The following CTU2 variants were observed in gnomAD, a reference collection of about 807,000 sequenced individuals.
CTU2 encodes the protein cytosolic thiouridylase subunit 2, also known as cytoplasmic tRNA 2-thiolation protein 2.
Under a neutral mutation model 64.1 loss-of-function variants are expected in CTU2, and 80 were observed. The ratio of observed to expected loss-of-function variants is 1.25; its 90% CI spans 1.04 to 1.50. The LOEUF (loss-of-function observed/expected upper bound fraction) is 1.50. Ranked by LOEUF, CTU2 falls within the 40% of genes most tolerant of loss-of-function variation. The pLI is 0.00. For synonymous variants in CTU2, 482 were observed against 285.3 expected, an observed-to-expected ratio of 1.69 and a Z score of -6.95; for missense variants, 1,110 against 690.2, an observed-to-expected ratio of 1.61 and a Z score of -6.81.
Position 88,714,213 on chromosome 16 carries a change from C to G in CTU2, c.1083C>G (p.Val361=), listed in dbSNP as rs987580847. The G allele has an allele frequency of 6.9e-6, 11 of 1,597,636 alleles. No homozygotes were observed. Among genetic ancestry groups the G allele is most frequent in the East Asian group, 2.3e-5 (1 of 44,114 alleles). ...TGCAGACCCAGTTCCCCTCCACTGT[C>G]AGCACTGTGTACAGGTGTGGGTGTG... The part of the protein sequence containing the change: ...LRLQTQFPST[V]STVYRTSEKL... Residue 361 remains valine (V), a synonymous_variant, in exon 10 of 15, where the codon GTC becomes GTG. Coordinates refer to ENST00000453996, the MANE Select transcript of CTU2 (RefSeq NM_001012759.3).
rs773309426 is a variant in CTU2 at position 88,706,527 on chromosome 16, G to T, written c.-4G>T. 2 of 1,449,108 alleles carry T rather than the reference G, an allele frequency of 1.4e-6. No homozygotes were observed. Among genetic ancestry groups the T allele is most frequent in the Non-Finnish European group, 9.0e-7 (1 of 1,107,810 alleles). 89.8% of individuals were successfully genotyped at this position (1,449,108 alleles called of 1,614,324 possible). The stretch of plus-strand genomic sequence containing the variant: ...CACAGTCTGCGACGGGACCCGGCGT[G>T]CCCATGTGTCAGGTGGGCGAGGACT... On this transcript the variant is annotated 5_prime_UTR_variant, in exon 1 of 15. Transcript: ENST00000453996.
chr16:88,714,553 G>GCCCCAGGCTCCGTCAC (rs775040357), intron 11 of CTU2, 34 bp from the exon 12 acceptor site: 72 of 1,612,514 alleles, frequency 4.5e-5, no homozygotes, highest in Non-Finnish European at 5.5e-5. Flanking sequence ...GGGCTCAGCA[G>GCCCCAGGCTCCGTCAC]CCCCAGGCTC....
At chr16:88,711,019 C>CGGA in intron 4 of CTU2, 1 of 153,378 alleles carries the variant, frequency 6.5e-6, no homozygotes, top group East Asian at 1.9e-4. Context: ...AGGTGCAGAC[C>CGGA]GGAGGAGGCT....
intron 2 of CTU2, among the ~76,000 whole-genome samples, chr16:88,708,657 C>T (rs538704434): frequency 5.3e-5 from 8 of 152,248 alleles, no homozygotes; most frequent in African/African-American, 1.7e-4. Context: ...GTAAAGGAAC[C>T]ACAGGGGGGT....
intron 2 of CTU2, among the ~76,000 whole-genome samples, chr16:88,707,450 T>C (rs546091900): frequency 3.3e-5 from 5 of 152,266 alleles, no homozygotes; most frequent in East Asian, 1.9e-4. Flanking sequence ...ATGGAACTTA[T>C]GGGGACAGTT....
At chr16:88,711,507 C>A in intron 4 of CTU2, 128 bp from the exon 5 acceptor site, 1 of 941,482 alleles carries the variant, frequency 1.1e-6, no homozygotes, top group Non-Finnish European at 1.6e-6. Context: ...GTCCAATAAA[C>A]GCAATGGCAG....
intron 4 of CTU2, among the ~76,000 whole-genome samples, 185 bp from the exon 5 acceptor site, chr16:88,711,450 C>T (rs571037124): frequency 6.7e-4 from 102 of 152,314 alleles, no homozygotes; most frequent in Non-Finnish European, 1.1e-3. Context: ...GTCGGGCGTG[C>T]GGCCTCGCCT....
At chr16:88,710,444 C>A (rs1044140528) in intron 4 of CTU2, 162 bp downstream of exon 4, 1 of 652,074 alleles carries the variant, frequency 1.5e-6, no homozygotes, top group East Asian at 2.7e-5. Flanking sequence ...AACAGGTGCA[C>A]CAATCAGGAG....
chr16:88,711,847 G>T, intron 5 of CTU2, 152 bp downstream of exon 5: 3 of 689,692 alleles, frequency 4.3e-6, no homozygotes, highest in South Asian at 3.7e-5. Flanking sequence ...AGGGCCTGGT[G>T]GGGACATCTC....
At chr16:88,710,177 C>T (rs371438692) in intron 3 of CTU2, 46 bp from the exon 4 acceptor site, 4 of 1,609,258 alleles carry the variant, frequency 2.5e-6, no homozygotes, top group African/African-American at 1.3e-5. Flanking sequence ...GGGTGTCTGC[C>T]TGTGTTGGAG....
Position 88,710,160 on chromosome 16 carries a change from CGAGGTGGGGTGTCTGCCTGTGTTG to C in CTU2, c.223-56_223-33del, listed in dbSNP as rs1344953676. On this transcript the variant is annotated intron_variant, in intron 3 of 14. Coordinates refer to ENST00000453996, the MANE Select transcript of CTU2 (RefSeq NM_001012759.3). ...ACAGACTCGATGTCCTAGATGTCCA[CGAGGTGGGGTGTCTGCCTGTGTTG>C]GAGGTGCGGTGCCCTGAGTGATGTT... The C allele has an allele frequency of 4.1e-5, 66 of 1,597,150 alleles. No individual in the cohort carries two copies. The African/African-American group carries it at 4.2e-4, about 10-fold the overall frequency.
Position 88,713,731 on chromosome 16 carries a change from C to T in CTU2, c.958C>T (p.Arg320Cys), listed in dbSNP as rs770214750. The T allele has an allele frequency of 4.1e-5, 66 of 1,612,584 alleles. No homozygotes were observed. The highest frequency in any genetic ancestry group is 1.7e-4 in the African/African-American group (13 of 74,932). Reference protein sequence around the residue: ...HTLKEVAFYNRLFSVPSVFTP... With the variant: ...HTLKEVAFYNCLFSVPSVFTP... Reference sequence around the variant, plus strand: ...CCTGAAGGAGGTCGCTTTCTACAACCGCCTGTTCTCCGTTCCTTCTGTCTT... The same window carrying T: ...CCTGAAGGAGGTCGCTTTCTACAACTGCCTGTTCTCCGTTCCTTCTGTCTT... The change falls in exon 9 of 15, where the codon CGC becomes TGC. Residue 320 changes from arginine (R) to cysteine (C), a missense_variant. Physicochemically the swap from Arg to Cys is radical, Grantham distance 180. Coordinates refer to ENST00000453996, the MANE Select transcript of CTU2 (RefSeq NM_001012759.3).
At position 88,706,616 on chromosome 16, in the gene CTU2, G is replaced by A; in HGVS notation, c.68+18G>A. The stretch of plus-strand genomic sequence containing the variant: ...CGGCCCAGGTAAGAGCTGGCGGCCG[G>A]ACCCGCCAGGCCGCCCCTCGCCTTC... On this transcript the variant is annotated intron_variant, in intron 1 of 14. Transcript: ENST00000453996. 3 of 1,392,982 alleles carry A rather than the reference G, an allele frequency of 2.2e-6. No homozygotes were observed. The highest frequency in any genetic ancestry group is 3.6e-5 in the Admixed American group (1 of 28,088). 86.3% of individuals were successfully genotyped at this position (1,392,982 alleles called of 1,614,324 possible).
rs201215099 is a variant in CTU2, at chr16:88,715,234, G to A, written c.1531G>A (p.Glu511Lys). 678 of 1,612,108 alleles carry A rather than the reference G, an allele frequency of 4.2e-4. 3 individuals carry two copies. In the African/African-American group the frequency reaches 7.0e-3, roughly 17 times the overall value. The change falls in exon 15 of 15, where the codon GAG becomes AAG. Residue 511 changes from glutamate (E) to lysine (K), a missense_variant. Coordinates refer to ENST00000453996, the MANE Select transcript of CTU2 (RefSeq NM_001012759.3). The stretch of plus-strand genomic sequence containing the variant: ...CTGTCTGATTGAGGACAGTGACGAC[G>A]AGGCGGGCCAGAGCTGAGCGTGAGG... ...RDCLIEDSDD[E>K]AGQS
At position 88,713,458 on chromosome 16, in the gene CTU2, G is replaced by A. The variant is rs1597431473; in HGVS notation, c.873+11G>A. On this transcript the variant is annotated intron_variant, in intron 8 of 14. Coordinates refer to ENST00000453996, the MANE Select transcript of CTU2 (RefSeq NM_001012759.3). ...CTGGCCTGGGATACGGTAGGCAGGG[G>A]CCTGGGTGTTCAGGAGGCCCATCCT... The A allele has an allele frequency of 6.4e-7, 1 of 1,569,286 alleles. No individual in the cohort carries two copies.
In CTU2 at chr16:88,715,264, G is replaced by A. The variant is rs747170362; in HGVS notation, c.*13G>A. 9 of 1,609,686 alleles carry A rather than the reference G, an allele frequency of 5.6e-6. No individual in the cohort carries two copies. The African/African-American group carries it at 6.7e-5, about 12-fold the overall frequency. ...GGGCCAGAGCTGAGCGTGAGGACGT[G>A]CTTGCCGGGACAGCAGGCAGTGGCC... On this transcript the variant is annotated 3_prime_UTR_variant, in exon 15 of 15. Coordinates refer to ENST00000453996, the MANE Select transcript of CTU2 (RefSeq NM_001012759.3).
At chr16:88,713,276 G>A (rs1441788817) in intron 7 of CTU2, 36 bp from the exon 8 acceptor site, 4 of 1,472,164 alleles carry the variant, frequency 2.7e-6, no homozygotes, top group South Asian at 1.2e-5. Flanking sequence ...CCCGGGTCCT[G>A]CACCCCCCAG....
rs1411561994 is a variant in CTU2, at chr16:88,713,789, T to G, written c.1005+11T>G. On this transcript the variant is annotated intron_variant, in intron 9 of 14. Coordinates refer to ENST00000453996, the MANE Select transcript of CTU2 (RefSeq NM_001012759.3). The stretch of plus-strand genomic sequence containing the variant: ...GCCGTCGACACCAAGGTGGGCCTTG[T>G]GGGCTGGGCAACCTCTCTCACCATT... 5 of 1,611,428 alleles carry G rather than the reference T, an allele frequency of 3.1e-6. No homozygotes were observed. In the African/African-American group the frequency reaches 6.7e-5, roughly 22 times the overall value.
In CTU2 at chr16:88,714,117, C is replaced by A. The variant is rs569260103; in HGVS notation, c.1006-19C>A. On this transcript the variant is annotated intron_variant, in intron 9 of 14. Transcript: ENST00000453996. ...TGGCCTCTGGGCTTTCCCATAGCCT[C>A]CAATCTGATTGTCCCTAGGCCCCTG... The A allele has an allele frequency of 6.2e-7, 1 of 1,611,264 alleles. No homozygotes were observed. The highest frequency in any genetic ancestry group is 1.1e-5 in the South Asian group (1 of 91,068).
Sources: allele counts gnomAD v4.1 joint callset (sites outside exome capture counted in the v4.1 genomes callset), GRCh38; gene constraint gnomAD v4.1.1; transcripts MANE v1.5; gene names NCBI Gene and HGNC (gene_info 2026-07-23, HGNC 2026-07-21).